The following KCNIP4 variants were observed in gnomAD, a reference collection of about 807,000 sequenced individuals.
The protein encoded by KCNIP4 is Kv channel-interacting protein 4.
In KCNIP4, 12 loss-of-function variants were observed where a neutral mutation model predicts 34.0. The observed-to-expected ratio is 0.35, with a 90% CI of 0.23 to 0.57. The LOEUF (loss-of-function observed/expected upper bound fraction) is 0.57. Ranked by LOEUF, KCNIP4 falls within the 20% of genes least tolerant of loss-of-function variation. The probability of loss-of-function intolerance (pLI) is 0.83; values close to 1 mark genes in which losing one functional copy is unlikely to be tolerated. For synonymous variants in KCNIP4, 124 were observed against 102.2 expected (o/e 1.21, Z -1.29); for missense variants, 238 against 311.7 (o/e 0.76, Z 1.78).
intron 1 of KCNIP4, among the ~76,000 whole-genome samples, chr4:20,988,957 A>G (rs761928417): frequency 6.6e-6 from 1 of 152,236 alleles, no homozygotes; most frequent in Non-Finnish European, 1.5e-5. Flanking sequence ...AAACCTTACA[A>G]ATAAGCCTTA....
At chr4:21,288,364 A>G (rs548903462) in intron 1 of KCNIP4, among the ~76,000 whole-genome samples, 2 of 152,304 alleles carry the variant, frequency 1.3e-5, no homozygotes, top group South Asian at 2.1e-4. Context: ...TAATAAAAGG[A>G]AAAGGAGAAT....
intron 1 of KCNIP4, among the ~76,000 whole-genome samples, chr4:21,321,093 T>C (rs1714359823): frequency 6.6e-6 from 1 of 152,108 alleles, no homozygotes. Context: ...TTTAATCTAC[T>C]TCAAAAGACC....
intron 1 of KCNIP4, among the ~76,000 whole-genome samples, chr4:21,861,536 A>G (rs1479760122): frequency 2.0e-5 from 3 of 151,794 alleles, no homozygotes; most frequent in Non-Finnish European, 4.4e-5. Context: ...CCTTAAACCC[A>G]GCTGCTTGGG....
intron 1 of KCNIP4, among the ~76,000 whole-genome samples, chr4:21,078,018 A>C (rs1172719326): frequency 6.6e-6 from 1 of 152,088 alleles, no homozygotes; most frequent in African/African-American, 2.4e-5. Flanking sequence ...TTCTGGAGAC[A>C]AGGTGGCTTG....
At chr4:21,012,391 C>A (rs1447383561) in intron 1 of KCNIP4, among the ~76,000 whole-genome samples, 1 of 151,984 alleles carries the variant, frequency 6.6e-6, no homozygotes, top group African/African-American at 2.4e-5. Context: ...CCAGCCTGGG[C>A]AGCATAATGA....
At chr4:21,079,530 A>G (rs1232748024) in intron 1 of KCNIP4, among the ~76,000 whole-genome samples, 1 of 150,036 alleles carries the variant, frequency 6.7e-6, no homozygotes, top group Non-Finnish European at 1.5e-5. Flanking sequence ...CCTTTCTCTT[A>G]ATAGCTCCTT....
At chr4:20,919,006 T>C (rs1729122121) in intron 1 of KCNIP4, among the ~76,000 whole-genome samples, 1 of 152,120 alleles carries the variant, frequency 6.6e-6, no homozygotes, top group South Asian at 2.1e-4. Flanking sequence ...AAAGGCCCAA[T>C]GGTAAGAATA....
chr4:21,122,708 G>C (rs571424749), intron 1 of KCNIP4, among the ~76,000 whole-genome samples: 46 of 152,216 alleles, frequency 3.0e-4, no homozygotes, highest in African/African-American at 7.9e-4. Context: ...GAGGAAGTGA[G>C]GTGAGAAGGG....
At position 21,064,517 on chromosome 4, in the gene KCNIP4, G is replaced by A. The variant is rs964049071; in HGVS notation, c.62-181808C>T. Reference sequence around the variant, plus strand: ...TGGATTTTATTTTACCAATTCTGTGGTTTAGGTAAGTGGTTTACCATTTAT... The same window carrying A: ...TGGATTTTATTTTACCAATTCTGTGATTTAGGTAAGTGGTTTACCATTTAT... On this transcript the variant is annotated intron_variant, in intron 1 of 8. Coordinates refer to ENST00000382152, the MANE Select transcript of KCNIP4 (RefSeq NM_025221.6). Among the ~76,000 whole-genome samples, 4 of 152,004 alleles carry A rather than the reference G, an allele frequency of 2.6e-5. No homozygotes were observed. In the South Asian group the frequency reaches 8.3e-4, roughly 31 times the overall value.
intron 3 of KCNIP4, among the ~76,000 whole-genome samples, chr4:20,799,473 C>T (rs928253799): frequency 3.3e-5 from 5 of 152,172 alleles, no homozygotes; most frequent in Non-Finnish European, 7.4e-5. Flanking sequence ...ATCACAGGAG[C>T]TGTGCCACTA....
At chr4:20,828,409 G>A (rs1244657808) in intron 3 of KCNIP4, among the ~76,000 whole-genome samples, 2 of 152,212 alleles carry the variant, frequency 1.3e-5, no homozygotes, top group Non-Finnish European at 2.9e-5. Flanking sequence ...CCTGGCGACA[G>A]AGCAAGACTC....
At chr4:21,173,819 T>G (rs867890693) in intron 1 of KCNIP4, among the ~76,000 whole-genome samples, 18 of 152,192 alleles carry the variant, frequency 1.2e-4, no homozygotes, top group African/African-American at 3.9e-4. Context: ...AGTCACGTGC[T>G]TCAGTCAAAG....
At chr4:20,799,022 G>A (rs1412770960) in intron 3 of KCNIP4, among the ~76,000 whole-genome samples, 2 of 152,182 alleles carry the variant, frequency 1.3e-5, no homozygotes, top group African/African-American at 2.4e-5. Flanking sequence ...CTGCTCTGGG[G>A]GTGAAACCCA....
rs530181632 is a variant in KCNIP4 at position 21,284,529 on chromosome 4, A to G, written c.62-401820T>C. Among the ~76,000 whole-genome samples, 313 of 152,254 alleles carry G rather than the reference A, an allele frequency of 2.1e-3. 3 individuals are homozygous for G. Among genetic ancestry groups the G allele is most frequent in the African/African-American group, 7.1e-3 (294 of 41,560 alleles). On this transcript the variant is annotated intron_variant, in intron 1 of 8. Coordinates refer to ENST00000382152, the MANE Select transcript of KCNIP4 (RefSeq NM_025221.6). ...TTGTATACACATGGCTTTTGAAGGG[A>G]GTGCTCTCAAGGCATGGTAGGAATG...
chr4:21,936,810 C>A (rs991236047), intron 1 of KCNIP4, among the ~76,000 whole-genome samples: 3 of 151,938 alleles, frequency 2.0e-5, no homozygotes, highest in Admixed American at 2.0e-4. Context: ...TCTCTTTTTT[C>A]CCTGTTAGTT....
intron 1 of KCNIP4, among the ~76,000 whole-genome samples, chr4:21,523,810 C>T (rs905383948): frequency 5.3e-5 from 8 of 151,920 alleles, no homozygotes; most frequent in South Asian, 2.1e-4. Context: ...TGGACTCAAG[C>T]GATCCTCTTA....
rs112145647 is a variant in KCNIP4 at position 21,060,628 on chromosome 4, T to C, written c.62-177919A>G. ...CATATAAAGGAGTCATGTGACTGATTTCAGCCAATAGAATGCTCATAAGTA... is the reference window on the plus strand; with the variant it reads ...CATATAAAGGAGTCATGTGACTGATCTCAGCCAATAGAATGCTCATAAGTA... On this transcript the variant is annotated intron_variant, in intron 1 of 8. Transcript: ENST00000382152. Among the ~76,000 whole-genome samples, 651 of 152,272 alleles carry C rather than the reference T, an allele frequency of 4.3e-3. 3 individuals are homozygous for C. Among genetic ancestry groups the C allele is most frequent in the African/African-American group, 0.015 (621 of 41,568 alleles).
chr4:21,246,032 A>AT (rs966119803), intron 1 of KCNIP4, among the ~76,000 whole-genome samples: 55 of 152,098 alleles, frequency 3.6e-4, no homozygotes, highest in African/African-American at 6.3e-4. Context: ...AAAAAGGAGG[A>AT]TTTTTTTTAA....
At chr4:20,843,679 G>A (rs763501637) in intron 3 of KCNIP4, among the ~76,000 whole-genome samples, 1 of 152,036 alleles carries the variant, frequency 6.6e-6, no homozygotes, top group Non-Finnish European at 1.5e-5. Flanking sequence ...TCAGTGAGTG[G>A]AGATCGCGCC....
Sources: allele counts gnomAD v4.1 joint callset (sites outside exome capture counted in the v4.1 genomes callset), GRCh38; gene constraint gnomAD v4.1.1; transcripts MANE v1.5; gene names NCBI Gene and HGNC (gene_info 2026-07-23, HGNC 2026-07-21).